MROH2A: variants seen among roughly 807,000 people sequenced by gnomAD.
MROH2A encodes maestro heat like repeat family member 2A, also known as maestro heat-like repeat-containing protein family member 2A.
MROH2A carries 174 observed loss-of-function variants against 200.4 expected under a neutral mutation model. The ratio of observed to expected loss-of-function variants is 0.87; its 90% CI spans 0.77 to 0.98. The LOEUF (loss-of-function observed/expected upper bound fraction) is 0.98, where lower values mean the gene tolerates loss of function less well. Ranked by LOEUF, MROH2A falls within the 50% of genes least tolerant of loss-of-function variation. The pLI is 0.00. For missense variants in MROH2A, 2,045 were observed against 2,139.6 expected (o/e 0.96, Z 0.87); for synonymous variants, 829 against 840.4 (o/e 0.99, Z 0.23).
intron 3 of MROH2A, among the ~76,000 whole-genome samples, chr2:233,786,034 G>A (rs1023212206): frequency 3.9e-5 from 6 of 152,046 alleles, no homozygotes; most frequent in African/African-American, 1.4e-4. Context: ...TGAATCATGG[G>A]GTGGTTTCCC....
intron 25 of MROH2A, among the ~76,000 whole-genome samples, chr2:233,814,071 G>T (rs1429010765): frequency 6.6e-6 from 1 of 152,206 alleles, no homozygotes; most frequent in Non-Finnish European, 1.5e-5. Flanking sequence ...ACCCAGGCTG[G>T]TGGAGTCCTC....
chr2:233,804,342 T>G (rs1420517210), intron 17 of MROH2A, 150 bp downstream of exon 17: 8 of 1,375,948 alleles, frequency 5.8e-6, no homozygotes, highest in Non-Finnish European at 8.0e-6. Flanking sequence ...GTTGAGCAGC[T>G]TGGGAAGGTG....
chr2:233,793,841 T>A lies in MROH2A; in HGVS notation c.822+17T>A. The A allele has an allele frequency of 7.2e-7, 1 of 1,384,002 alleles. No homozygotes were observed. Among genetic ancestry groups the A allele is most frequent in the Non-Finnish European group, 9.4e-7 (1 of 1,064,510 alleles). The allele number at this position is 1,384,002 out of a possible 1,614,324, so 85.7% of individuals were successfully genotyped here. ...AACCCCGAGGTGAGATGCACCCCTC[T>A]TAGGAGGGCCTGGTGGTCCCCAGGC... On this transcript the variant is annotated intron_variant, in intron 7 of 41. Transcript: ENST00000389758.
intron 11 of MROH2A, among the ~76,000 whole-genome samples, chr2:233,797,362 A>G (rs1335715651): frequency 3.3e-5 from 5 of 152,250 alleles, no homozygotes. Flanking sequence ...GTGCTCATTA[A>G]AACATTGTAT....
At chr2:233,823,496 G>A (rs1006572339) in intron 34 of MROH2A, 60 bp from the exon 35 acceptor site, 1 of 1,521,990 alleles carries the variant, frequency 6.6e-7, no homozygotes, top group Non-Finnish European at 8.9e-7. Flanking sequence ...CCCAGCTCTT[G>A]GCAAACGTCA....
Position 233,816,902 on chromosome 2 carries a change from C to T in MROH2A, c.2961+17C>T. ...GCTGTCTGTGTGAGTCCAGGAGTCC[C>T]CAGCCCCCAGCCTGCTGCTCTGACA... On this transcript the variant is annotated intron_variant, in intron 27 of 41. Transcript: ENST00000389758. 1 of 1,414,970 alleles carries T rather than the reference C, an allele frequency of 7.1e-7. No individual in the cohort carries two copies. Among genetic ancestry groups the T allele is most frequent in the South Asian group, 1.2e-5 (1 of 80,650 alleles). 87.7% of individuals were successfully genotyped at this position (1,414,970 alleles called of 1,614,324 possible). A position where few individuals can be genotyped will look rare whatever the true frequency, so the allele number is the denominator to read the frequency against.
intron 3 of MROH2A, among the ~76,000 whole-genome samples, chr2:233,789,113 A>T (rs1170123590): frequency 6.6e-6 from 1 of 152,050 alleles, no homozygotes; most frequent in Non-Finnish European, 1.5e-5. Context: ...GAATTGGAAG[A>T]GAGTAAGAGG....
chr2:233,780,910 C>T (rs909129152), intron 3 of MROH2A, among the ~76,000 whole-genome samples: 1 of 152,164 alleles, frequency 6.6e-6, no homozygotes, highest in Non-Finnish European at 1.5e-5. Context: ...TTCCCATACC[C>T]TAATACCGAA....
At position 233,819,331 on chromosome 2, in the gene MROH2A, G is replaced by A; in HGVS notation, c.3219G>A (p.Glu1073=). The change falls in exon 30 of 42, where the codon GAG becomes GAA. Residue 1073 remains glutamate, a synonymous_variant. Transcript: ENST00000389758. ...TCTGCTCCTAGGTGGTCTGCATGGAGTTTAGCTGCGATGAGGTGGTCTCGC... is the reference window on the plus strand; with the variant it reads ...TCTGCTCCTAGGTGGTCTGCATGGAATTTAGCTGCGATGAGGTGGTCTCGC... ...SSRIAKVVCM[E]FSCDEVVSLI... 6.5e-7 allele frequency: 1 copy of A among 1,550,382 alleles called. No individual in the cohort carries two copies. Among genetic ancestry groups the A allele is most frequent in the Non-Finnish European group, 8.7e-7 (1 of 1,146,782 alleles).
chr2:233,814,450 G>T (rs1703378184), intron 25 of MROH2A, 132 bp from the exon 26 acceptor site: 3 of 604,380 alleles, frequency 5.0e-6, no homozygotes, highest in Non-Finnish European at 8.9e-6. Context: ...GAGAAAATAA[G>T]TGTCAAGAGC....
intron 3 of MROH2A, among the ~76,000 whole-genome samples, chr2:233,787,483 TAATA>T (rs1479455052): frequency 1.5e-5 from 2 of 133,326 alleles, no homozygotes; most frequent in Admixed American, 8.8e-5. Context: ...TATACATATA[TAATA>T]TATATACATA....
intron 3 of MROH2A, among the ~76,000 whole-genome samples, chr2:233,782,215 G>T (rs1322715770): frequency 6.6e-6 from 1 of 152,004 alleles, no homozygotes; most frequent in Admixed American, 6.6e-5. Context: ...GAGTCTTATG[G>T]TTCCATGTAA....
chr2:233,812,584 C>A (rs1703232939), intron 24 of MROH2A, among the ~76,000 whole-genome samples: 1 of 152,178 alleles, frequency 6.6e-6, no homozygotes, highest in African/African-American at 2.4e-5. Flanking sequence ...TGAACATCAA[C>A]TAAGCACAAT....
rs567669473 is a variant in MROH2A at position 233,813,557 on chromosome 2, A to G, written c.2652-113A>G. The G allele has an allele frequency of 6.2e-5, 40 of 641,242 alleles. No individual in the cohort carries two copies. The East Asian group carries it at 1.0e-3, about 16-fold the overall frequency. 39.7% of individuals were successfully genotyped at this position (641,242 alleles called of 1,614,324 possible). Reference sequence around the variant, plus strand: ...TGCTTGCCAGAGCCTCCAACTGGAGAAGTAGGCCTCTTCCTCTTCTAGGAT... The same window carrying G: ...TGCTTGCCAGAGCCTCCAACTGGAGGAGTAGGCCTCTTCCTCTTCTAGGAT... On this transcript the variant is annotated intron_variant, in intron 24 of 41. Transcript: ENST00000389758.
chr2:233,803,144 CA>C (rs1702575660), intron 15 of MROH2A, among the ~76,000 whole-genome samples: 1 of 152,190 alleles, frequency 6.6e-6, no homozygotes, highest in South Asian at 2.1e-4. Context: ...ATGGGGTTCA[CA>C]GTAGGAGACA....
At chr2:233,790,040 G>A (rs1701620744) in intron 5 of MROH2A, 26 bp downstream of exon 5, 1 of 1,523,628 alleles carries the variant, frequency 6.6e-7, no homozygotes, top group South Asian at 1.3e-5. Flanking sequence ...CCCTCAGCCG[G>A]GCCCAGTGTG....
chr2:233,818,219 A>C, intron 28 of MROH2A, 94 bp downstream of exon 28: 2 of 1,454,698 alleles, frequency 1.4e-6, no homozygotes, highest in Non-Finnish European at 1.8e-6. Context: ...GGAGGGAAGG[A>C]TGGCCTCTGT....
intron 22 of MROH2A, 131 bp downstream of exon 22, chr2:233,809,409 G>A (rs1042909177): frequency 3.1e-5 from 32 of 1,030,860 alleles, no homozygotes; most frequent in South Asian, 2.6e-4. Flanking sequence ...CCCAGCACGT[G>A]GGAAGCCCAT....
rs371791366 is a variant in MROH2A, at chr2:233,788,875, C to T, written c.277-622C>T. Among the ~76,000 whole-genome samples the T allele has an allele frequency of 2.3e-5, 3 of 131,944 alleles. No individual in the cohort carries two copies. In the East Asian group the frequency reaches 7.3e-4, roughly 32 times the overall value. The allele number at this position is 131,944 out of a possible 152,430, so 86.6% of individuals were successfully genotyped here. A position where few individuals can be genotyped will look rare whatever the true frequency, so the allele number is the denominator to read the frequency against. On this transcript the variant is annotated intron_variant, in intron 3 of 41. Coordinates refer to ENST00000389758, the MANE Select transcript of MROH2A (RefSeq NM_001394639.1). ...AATGGCGTGAACCCGGGAGGCAGAG[C>T]TTGCAGTGAGGCGAAATCGCGCCAC...
Sources: allele counts gnomAD v4.1 joint callset (sites outside exome capture counted in the v4.1 genomes callset), GRCh38; gene constraint gnomAD v4.1.1; transcripts MANE v1.5; gene names NCBI Gene and HGNC (gene_info 2026-07-23, HGNC 2026-07-21).